MCF2: variants seen among roughly 807,000 people sequenced by gnomAD.
The protein encoded by MCF2 is MCF.2 cell line derived transforming sequence, also known as proto-oncogene DBL.
In MCF2, 44 loss-of-function variants were observed where a neutral mutation model predicts 82.5. The ratio of observed to expected loss-of-function variants is 0.53; its 90% CI spans 0.42 to 0.69. MCF2 has a LOEUF of 0.69. Among genes scored for constraint, MCF2 ranks in the 30% least tolerant of loss-of-function variants. MCF2 has a pLI of 0.00. For missense variants in MCF2, 623 were observed against 663.1 expected (o/e 0.94, Z 0.66); for synonymous variants, 217 against 224.9 (o/e 0.96, Z 0.32).
At chrX:139,619,997 T>TTGTG (rs57662065) in intron 6 of MCF2, among the ~76,000 whole-genome samples, 4,230 of 93,324 alleles carry the variant, frequency 0.045, 107 homozygotes, top group Middle Eastern at 0.069. Context: ...ATATATACAT[T>TTGTG]TGTGTGTGTG....
chrX:139,604,160 T>C (rs1930788037), intron 15 of MCF2, among the ~76,000 whole-genome samples: 1 of 111,581 alleles, frequency 9.0e-6, no homozygotes, highest in African/African-American at 3.3e-5. Context: ...TGGGCCTCCC[T>C]AAATGCTTTT....
intron 1 of MCF2, among the ~76,000 whole-genome samples, chrX:139,640,970 C>A (rs1569377198): frequency 9.1e-6 from 1 of 110,454 alleles, no homozygotes; most frequent in East Asian, 2.8e-4. Context: ...TCAAAATAGT[C>A]ATTTACGAAC....
At position 139,635,580 on chromosome X, in the gene MCF2, C is replaced by T. The variant is rs1490632091; in HGVS notation, c.52-3126G>A. ...GCTGAAGCATGAGAATCACTTGAAC[C>T]CAGGAGGTGGAGGCTGTGGTGATCT... On this transcript the variant is annotated intron_variant, in intron 1 of 24. Transcript: ENST00000370576. 4.5e-5 allele frequency among the ~76,000 whole-genome samples: 5 copies of T among 110,513 alleles called. No individual in the cohort carries two copies. The Admixed American group carries it at 4.8e-4, about 11-fold the overall frequency.
chrX:139,651,639 G>A (rs45592235), intron 2 of MCF2, 81 bp downstream of exon 2: 8,525 of 538,597 alleles, frequency 0.016, 71 homozygotes, highest in Non-Finnish European at 0.02. Context: ...TAGAGAGCGA[G>A]CTATTTATAT....
At chrX:139,642,468 C>G in exon 1 of MCF2, 1 of 1,211,373 alleles carries the variant, frequency 8.3e-7, no homozygotes, top group Non-Finnish European at 1.1e-6. Context: ...GAGCCCTTAC[C>G]GCATTCCTTC....
intron 15 of MCF2, 57 bp downstream of exon 19, chrX:139,604,624 T>G: frequency 1.5e-5 from 11 of 754,723 alleles, no homozygotes; most frequent in African/African-American, 2.1e-5. Context: ...TTCTTATAAG[T>G]GAGTTGCTAT....
chrX:139,682,282 C>T (rs1603306972), intron 1 of MCF2, among the ~76,000 whole-genome samples: 1 of 111,983 alleles, frequency 8.9e-6, no homozygotes, highest in Non-Finnish European at 1.9e-5. Context: ...CTGTGGAAAC[C>T]TTTTCCTTCA....
intron 22 of MCF2, 121 bp from the exon 27 acceptor site, chrX:139,586,608 A>C: frequency 4.4e-6 from 2 of 450,688 alleles, no homozygotes. Context: ...ATCCATCCAA[A>C]CAGCCAATAC....
chrX:139,675,476 T>A (rs1934837882), intron 1 of MCF2, among the ~76,000 whole-genome samples: 1 of 112,554 alleles, frequency 8.9e-6, no homozygotes, highest in South Asian at 3.7e-4. Flanking sequence ...GACCTACAGA[T>A]GGCGTTTTGC....
At chrX:139,661,143 G>A (rs1387151635) in intron 1 of MCF2, among the ~76,000 whole-genome samples, 1 of 111,632 alleles carries the variant, frequency 9.0e-6, no homozygotes, top group Non-Finnish European at 1.9e-5. Context: ...CATGGACAGG[G>A]GAACAGAGAA....
chrX:139,642,822 A>C, exon 1 of MCF2: 1 of 965,349 alleles, frequency 1.0e-6, no homozygotes, highest in Non-Finnish European at 1.3e-6. Context: ...TGGACTGCTC[A>C]AGAAGATCAG....
At chrX:139,680,792 C>T (rs1411930572) in intron 1 of MCF2, among the ~76,000 whole-genome samples, 4 of 112,382 alleles carry the variant, frequency 3.6e-5, no homozygotes, top group African/African-American at 1.3e-4. Context: ...CTATTCACCT[C>T]TTCTTGGGTT....
intron 11 of MCF2, among the ~76,000 whole-genome samples, chrX:139,607,990 A>G (rs957599770): frequency 5.4e-5 from 6 of 111,467 alleles, no homozygotes; most frequent in African/African-American, 2.0e-4. Context: ...ACTAATTAGA[A>G]CTTATTTTAT....
intron 1 of MCF2, among the ~76,000 whole-genome samples, chrX:139,636,821 G>T (rs1413896821): frequency 9.0e-6 from 1 of 111,611 alleles, no homozygotes; most frequent in Non-Finnish European, 1.9e-5. Flanking sequence ...ATTTTATGTT[G>T]GATGTTTATT....
chrX:139,638,290 G>A (rs773768478), intron 1 of MCF2, among the ~76,000 whole-genome samples: 1 of 111,667 alleles, frequency 9.0e-6, no homozygotes, highest in East Asian at 2.8e-4. Context: ...AGTTATAGCA[G>A]GGATGACACA....
rs1419110285 is a variant in MCF2, at chrX:139,625,418, AGGAGAGAAAAC to A, written c.687+764_687+774del. Among the ~76,000 whole-genome samples, 9 of 111,746 alleles carry A rather than the reference AGGAGAGAAAAC, an allele frequency of 8.1e-5. No individual in the cohort carries two copies. The East Asian group carries it at 2.3e-3, about 28-fold the overall frequency. ...ACATTTCAAAAGATGTTTGAATCAA[AGGAGAGAAAAC>A]GCTAGTGGTAACTGAGCCCCGCGTC... On this transcript the variant is annotated intron_variant, in intron 6 of 24. Transcript: ENST00000370576.
At chrX:139,632,293 T>C (rs772969477) in intron 2 of MCF2, 42 bp downstream of exon 5, 9 of 1,100,104 alleles carry the variant, frequency 8.2e-6, no homozygotes, top group South Asian at 2.2e-5. Context: ...CAGGTCTTCA[T>C]GAGAATTAGA....
At position 139,594,455 on chromosome X, in the gene MCF2, G is replaced by T. The variant is rs1262981825; in HGVS notation, c.2277+2094C>A. 1.7e-3 allele frequency among the ~76,000 whole-genome samples: 186 copies of T among 109,897 alleles called. 1 individual carries two copies. The highest frequency in any genetic ancestry group is 5.9e-3 in the African/African-American group (179 of 30,244). On this transcript the variant is annotated intron_variant, in intron 19 of 24. Transcript: ENST00000370576. ...CAACTATCTGATCTTTGACAAACCT[G>T]ACAAAAACAAGCAATGGGGAAAGGA...
chrX:139,619,379 G>C (rs1273247302), intron 7 of MCF2, among the ~76,000 whole-genome samples: 1 of 110,575 alleles, frequency 9.0e-6, no homozygotes, highest in Non-Finnish European at 1.9e-5. Flanking sequence ...ATAGGGTGCA[G>C]TGTATACTGT....
Sources: allele counts gnomAD v4.1 joint callset (sites outside exome capture counted in the v4.1 genomes callset), GRCh38; gene constraint gnomAD v4.1.1; transcripts MANE v1.5; gene names NCBI Gene and HGNC (gene_info 2026-07-23, HGNC 2026-07-21).